KCNT2: variants seen among roughly 807,000 people sequenced by gnomAD.
KCNT2 encodes potassium sodium-activated channel subfamily T member 2, also known as potassium channel subfamily T member 2.
Under a neutral mutation model 153.8 loss-of-function variants are expected in KCNT2, and 67 were observed. The observed-to-expected ratio is 0.44, with a 90% CI of 0.36 to 0.53. The LOEUF (loss-of-function observed/expected upper bound fraction) is 0.53. KCNT2 is among the 20% of genes least tolerant of loss of function. KCNT2 has a pLI of 0.00. For missense variants in KCNT2, 975 were observed against 1,354.8 expected, an observed-to-expected ratio of 0.72 and a Z score of 4.40; for synonymous variants, 500 against 458.8, an observed-to-expected ratio of 1.09 and a Z score of -1.15.
chr1:196,329,351 T>G (rs1000325382), intron 18 of KCNT2, among the ~76,000 whole-genome samples: 1 of 152,080 alleles, frequency 6.6e-6, no homozygotes, highest in Non-Finnish European at 1.5e-5. Context: ...ACCCAGAAAT[T>G]TTGCTTCATT....
chr1:196,353,644 C>T (rs966758129), intron 14 of KCNT2, among the ~76,000 whole-genome samples: 1 of 152,004 alleles, frequency 6.6e-6, no homozygotes, highest in East Asian at 1.9e-4. Flanking sequence ...TCTCACTTAA[C>T]AATGATTGCA....
At chr1:196,249,769 C>G (rs1231377748) in intron 26 of KCNT2, among the ~76,000 whole-genome samples, 4 of 150,086 alleles carry the variant, frequency 2.7e-5, no homozygotes, top group African/African-American at 9.8e-5. Context: ...GAGTGAGACT[C>G]TGTCTCAAAA....
intron 12 of KCNT2, among the ~76,000 whole-genome samples, chr1:196,399,068 T>C (rs1216719641): frequency 4.7e-5 from 7 of 149,216 alleles, no homozygotes; most frequent in Admixed American, 3.4e-4. Flanking sequence ...TATATAATAG[T>C]AAAGGTAAAA....
At chr1:196,602,909 C>T (rs1051850413) in intron 1 of KCNT2, among the ~76,000 whole-genome samples, 21 of 150,498 alleles carry the variant, frequency 1.4e-4, no homozygotes, top group African/African-American at 5.1e-4. Flanking sequence ...GCCTCAGCCT[C>T]CCGAGTAGCT....
At chr1:196,417,791 T>G (rs1672872674) in intron 12 of KCNT2, among the ~76,000 whole-genome samples, 1 of 152,090 alleles carries the variant, frequency 6.6e-6, no homozygotes, top group Non-Finnish European at 1.5e-5. Context: ...GCCTAGTATG[T>G]ACTAGGCTAT....
At chr1:196,468,667 A>AT (rs964228708) in intron 6 of KCNT2, among the ~76,000 whole-genome samples, 7 of 152,180 alleles carry the variant, frequency 4.6e-5, no homozygotes, top group Admixed American at 1.3e-4. Flanking sequence ...CAATTGGCTT[A>AT]TTTTTTTAAA....
chr1:196,249,113 A>G (rs1031529200), intron 26 of KCNT2, among the ~76,000 whole-genome samples: 1 of 135,358 alleles, frequency 7.4e-6, no homozygotes, highest in South Asian at 2.1e-4. Context: ...TTTCATGATT[A>G]AAAAAAAACT....
chr1:196,527,287 G>C (rs985865378), intron 1 of KCNT2, among the ~76,000 whole-genome samples: 1 of 152,096 alleles, frequency 6.6e-6, no homozygotes, highest in African/African-American at 2.4e-5. Flanking sequence ...GTACCTCATA[G>C]AACTTATGAG....
intron 21 of KCNT2, among the ~76,000 whole-genome samples, chr1:196,312,860 A>G (rs1464241843): frequency 6.6e-6 from 1 of 151,724 alleles, no homozygotes; most frequent in African/African-American, 2.4e-5. Context: ...AAATAGTCTG[A>G]TATCCAGCCA....
intron 13 of KCNT2, among the ~76,000 whole-genome samples, chr1:196,386,978 T>A (rs114861034): frequency 0.058 from 8,772 of 152,118 alleles, 391 homozygotes; most frequent in Non-Finnish European, 0.085. Context: ...TAAACACAGT[T>A]TTGTAGTCTA....
At chr1:196,229,324 G>A (rs939626545) in intron 27 of KCNT2, among the ~76,000 whole-genome samples, 1 of 151,894 alleles carries the variant, frequency 6.6e-6, no homozygotes. Flanking sequence ...AATTTTTGAT[G>A]TTCCTATTGT....
At chr1:196,231,295 T>C (rs1653930892) in intron 27 of KCNT2, among the ~76,000 whole-genome samples, 2 of 151,850 alleles carry the variant, frequency 1.3e-5, no homozygotes, top group Admixed American at 6.6e-5. Flanking sequence ...AACCAAAAAA[T>C]TCAAGTGACT....
chr1:196,258,580 T>C, intron 25 of KCNT2, 86 bp from the exon 26 acceptor site: 1 of 1,046,104 alleles, frequency 9.6e-7, no homozygotes, highest in Non-Finnish European at 1.4e-6. Flanking sequence ...TGCTAATATA[T>C]TGTTATATTT....
chr1:196,262,266 G>A (rs1345776486), intron 25 of KCNT2, among the ~76,000 whole-genome samples: 1 of 151,816 alleles, frequency 6.6e-6, no homozygotes, highest in African/African-American at 2.4e-5. Context: ...TCACGTCATA[G>A]GTTATTGAGC....
chr1:196,393,344 CTT>C (rs1325847358), intron 13 of KCNT2, among the ~76,000 whole-genome samples: 1 of 151,394 alleles, frequency 6.6e-6, no homozygotes, highest in African/African-American at 2.4e-5. Context: ...CGACATAACA[CTT>C]TATTGGGAAG....
At chr1:196,524,370 G>C (rs1004143780) in intron 1 of KCNT2, among the ~76,000 whole-genome samples, 2 of 151,856 alleles carry the variant, frequency 1.3e-5, no homozygotes, top group Non-Finnish European at 2.9e-5. Context: ...AATAAGGGGG[G>C]AAAAAAAGTG....
chr1:196,603,672 C>T (rs1664991754), intron 1 of KCNT2, among the ~76,000 whole-genome samples: 2 of 152,142 alleles, frequency 1.3e-5, no homozygotes, highest in South Asian at 4.1e-4. Flanking sequence ...CTAAAGGCCA[C>T]CTATAAAATA....
intron 22 of KCNT2, among the ~76,000 whole-genome samples, chr1:196,300,926 C>T (rs1403881328): frequency 6.6e-6 from 1 of 152,108 alleles, no homozygotes; most frequent in African/African-American, 2.4e-5. Flanking sequence ...ATCCCTCTGA[C>T]TCCCCACCGT....
chr1:196,496,144 T>C (rs1210214323), intron 1 of KCNT2, among the ~76,000 whole-genome samples: 1 of 152,148 alleles, frequency 6.6e-6, no homozygotes, highest in Non-Finnish European at 1.5e-5. Context: ...CCTCACTTAA[T>C]GTCATCCATA....
Sources: allele counts gnomAD v4.1 joint callset (sites outside exome capture counted in the v4.1 genomes callset), GRCh38; gene constraint gnomAD v4.1.1; transcripts MANE v1.5; gene names NCBI Gene and HGNC (gene_info 2026-07-23, HGNC 2026-07-21).